Variants in CNTNAP2 observed in about 807,000 individuals in gnomAD.
CNTNAP2 encodes the protein contactin associated protein 2, also known as contactin-associated protein-like 2.
A neutral mutation model predicts 155.2 loss-of-function variants in CNTNAP2; 98 were observed. The observed-to-expected ratio is 0.63, with a 90% confidence interval of 0.54 to 0.75. The LOEUF is 0.75. CNTNAP2 is among the 30% of genes least tolerant of loss of function. The pLI, the probability that CNTNAP2 is intolerant of heterozygous loss-of-function variation, is 0.00. For missense variants in CNTNAP2, 1,727 were observed against 1,688.1 expected (o/e 1.02, Z -0.40); for synonymous variants, 651 against 631.2 (o/e 1.03, Z -0.47).
intron 10 of CNTNAP2, 106 bp downstream of exon 10, chr7:147,395,886 G>C (rs1280060322): frequency 3.1e-6 from 4 of 1,281,238 alleles, no homozygotes; most frequent in Non-Finnish European, 4.5e-6. Context: ...GTTAAAAACA[G>C]GTAAGGTGGA....
intron 11 of CNTNAP2, among the ~76,000 whole-genome samples, chr7:147,535,391 C>T (rs934630117): frequency 4.6e-5 from 7 of 151,766 alleles, no homozygotes; most frequent in African/African-American, 1.7e-4. Flanking sequence ...GACTCTGTCT[C>T]AGAAAAATAA....
At chr7:147,955,121 G>A in intron 14 of CNTNAP2, among the ~76,000 whole-genome samples, 1 of 152,140 alleles carries the variant, frequency 6.6e-6, no homozygotes. Context: ...GATATTTATT[G>A]CACATCCAAG....
chr7:148,037,404 G>T (rs947433723), intron 15 of CNTNAP2, among the ~76,000 whole-genome samples: 1 of 152,160 alleles, frequency 6.6e-6, no homozygotes, highest in Non-Finnish European at 1.5e-5. Context: ...TGTCCAATCC[G>T]CAGCTGTGTG....
At chr7:147,166,439 G>A (rs572069416) in intron 8 of CNTNAP2, among the ~76,000 whole-genome samples, 4 of 152,248 alleles carry the variant, frequency 2.6e-5, no homozygotes, top group South Asian at 2.1e-4. Context: ...ATTGAGTTCA[G>A]TGTATACCGC....
chr7:147,299,553 G>A (rs1239600474), intron 8 of CNTNAP2, among the ~76,000 whole-genome samples: 2 of 151,502 alleles, frequency 1.3e-5, no homozygotes, highest in Non-Finnish European at 2.9e-5. Context: ...AACTACACAT[G>A]CACAGTTATT....
intron 1 of CNTNAP2, among the ~76,000 whole-genome samples, chr7:146,338,430 C>T (rs575802931): frequency 1.1e-4 from 16 of 152,070 alleles, no homozygotes; most frequent in East Asian, 1.9e-4. Context: ...GATGCTTCTC[C>T]GCATCAGATA....
intron 2 of CNTNAP2, among the ~76,000 whole-genome samples, chr7:146,835,246 G>C (rs1193780841): frequency 6.6e-6 from 1 of 152,118 alleles, no homozygotes; most frequent in Non-Finnish European, 1.5e-5. Context: ...ATTTATTCTG[G>C]AGCATTCATT....
intron 1 of CNTNAP2, among the ~76,000 whole-genome samples, chr7:146,485,694 C>T (rs999607790): frequency 2.0e-5 from 3 of 152,106 alleles, no homozygotes; most frequent in African/African-American, 7.2e-5. Flanking sequence ...GCGATCTTGG[C>T]TCACTGCAGC....
intron 22 of CNTNAP2, among the ~76,000 whole-genome samples, chr7:148,406,029 G>A (rs1585350643): frequency 6.6e-6 from 1 of 151,898 alleles, no homozygotes; most frequent in Admixed American, 6.6e-5. Context: ...TCAGGAGATC[G>A]AGACCATCTT....
chr7:148,033,340 CT>C (rs1340067714), intron 15 of CNTNAP2, among the ~76,000 whole-genome samples: 5 of 140,578 alleles, frequency 3.6e-5, no homozygotes, highest in Admixed American at 1.5e-4. Context: ...CCTTAAGATC[CT>C]TTTTTTTCCT....
chr7:148,152,786 C>T (rs977222889), intron 17 of CNTNAP2, among the ~76,000 whole-genome samples: 2 of 152,076 alleles, frequency 1.3e-5, no homozygotes, highest in South Asian at 2.1e-4. Flanking sequence ...TTTGGGAGGC[C>T]GAGATGGGGG....
intron 16 of CNTNAP2, among the ~76,000 whole-genome samples, chr7:148,134,428 A>C (rs1346667917): frequency 1.3e-5 from 2 of 152,146 alleles, no homozygotes; most frequent in African/African-American, 4.8e-5. Flanking sequence ...ACCTGTGAGG[A>C]TTTTACTTTG....
At chr7:147,747,014 C>G (rs1269590352) in intron 13 of CNTNAP2, among the ~76,000 whole-genome samples, 1 of 152,152 alleles carries the variant, frequency 6.6e-6, no homozygotes, top group African/African-American at 2.4e-5. Flanking sequence ...AGAAATTGTG[C>G]TGTGTGTTCT....
intron 1 of CNTNAP2, among the ~76,000 whole-genome samples, chr7:146,650,017 A>T (rs1430318854): frequency 6.6e-6 from 1 of 152,158 alleles, no homozygotes; most frequent in East Asian, 1.9e-4. Flanking sequence ...GAAACAAAAG[A>T]TGCTGGAGAG....
chr7:146,471,748 GC>G (rs1156938926), intron 1 of CNTNAP2, among the ~76,000 whole-genome samples: 1 of 152,190 alleles, frequency 6.6e-6, no homozygotes, highest in African/African-American at 2.4e-5. Flanking sequence ...GATAGTGTAG[GC>G]ACATTTTGAA....
At chr7:146,695,334 A>G (rs1022499027) in intron 1 of CNTNAP2, among the ~76,000 whole-genome samples, 9 of 152,184 alleles carry the variant, frequency 5.9e-5, no homozygotes, top group African/African-American at 1.9e-4. Flanking sequence ...TTTCAGCATT[A>G]TAGATATGAT....
chr7:146,564,400 A>T (rs1204892450), intron 1 of CNTNAP2, among the ~76,000 whole-genome samples: 2 of 151,828 alleles, frequency 1.3e-5, no homozygotes, highest in Non-Finnish European at 2.9e-5. Context: ...TGAGTTACAG[A>T]GAGGGTAGCT....
At chr7:146,449,674 A>T (rs1401117353) in intron 1 of CNTNAP2, among the ~76,000 whole-genome samples, 1 of 152,184 alleles carries the variant, frequency 6.6e-6, no homozygotes. Context: ...GAAAGAAAGG[A>T]AATATACTTA....
At chr7:147,731,009 A>G (rs550411017) in intron 13 of CNTNAP2, among the ~76,000 whole-genome samples, 38 of 152,116 alleles carry the variant, frequency 2.5e-4, no homozygotes, top group Non-Finnish European at 4.9e-4. Flanking sequence ...GAAGGCTCAG[A>G]GAAGTGAGAA....
Sources: gnomAD v4.1 joint callset for allele counts (sites outside exome capture counted in the v4.1 genomes callset) on GRCh38, gnomAD v4.1.1 for gene constraint, MANE v1.5 for transcripts, NCBI Gene and HGNC (gene_info 2026-07-23, HGNC 2026-07-21) for gene names.